The following TMPRSS15 variants were observed in gnomAD, a reference collection of about 807,000 sequenced individuals.
TMPRSS15 encodes enteropeptidase.
A neutral mutation model predicts 125.3 loss-of-function variants in TMPRSS15; 128 were observed. The ratio of observed to expected loss-of-function variants is 1.02; its 90% confidence interval spans 0.89 to 1.18. TMPRSS15 has a LOEUF of 1.18. Among genes scored for constraint, TMPRSS15 ranks in the 50% most tolerant of loss-of-function variants. The pLI, the probability that TMPRSS15 is intolerant of heterozygous loss-of-function variation, is 0.00. For synonymous variants in TMPRSS15, 446 were observed against 423.2 expected, an observed-to-expected ratio of 1.05 and a Z score of -0.66; for missense variants, 1,283 against 1,212.7, an observed-to-expected ratio of 1.06 and a Z score of -0.86.
intron 16 of TMPRSS15, among the ~76,000 whole-genome samples, chr21:18,322,698 A>C (rs1268617638): frequency 1.3e-5 from 2 of 152,206 alleles, no homozygotes; most frequent in Non-Finnish European, 2.9e-5. Flanking sequence ...GATAGTAAAT[A>C]GAATGGTGGT....
intron 14 of TMPRSS15, 95 bp from the exon 15 acceptor site, chr21:18,329,389 A>T: frequency 7.4e-7 from 1 of 1,345,994 alleles, no homozygotes; most frequent in Non-Finnish European, 1.0e-6. Flanking sequence ...CTTAAAAAAA[A>T]ATCAATTTTT....
chr21:18,474,702 G>T (rs1283250894), intron 1 of TMPRSS15, among the ~76,000 whole-genome samples: 2 of 152,318 alleles, frequency 1.3e-5, no homozygotes, highest in African/African-American at 4.8e-5. Context: ...GCCAAAAGCT[G>T]AGAAGATCAG....
chr21:18,277,074 G>A (rs1026375169), intron 23 of TMPRSS15, among the ~76,000 whole-genome samples: 1 of 151,888 alleles, frequency 6.6e-6, no homozygotes, highest in African/African-American at 2.4e-5. Context: ...CCAGAAAACT[G>A]GGATTTTATG....
chr21:18,317,473 C>T (rs1358409192), intron 16 of TMPRSS15, among the ~76,000 whole-genome samples: 1 of 151,820 alleles, frequency 6.6e-6, no homozygotes, highest in Non-Finnish European at 1.5e-5. Context: ...GTGGTGCTAT[C>T]CAGCAAACCA....
chr21:18,468,994 T>A (rs1300373497), intron 1 of TMPRSS15, among the ~76,000 whole-genome samples: 1 of 152,176 alleles, frequency 6.6e-6, no homozygotes, highest in Non-Finnish European at 1.5e-5. Context: ...CTAATAAAAT[T>A]TGCATGTATA....
chr21:18,420,891 T>C (rs1167779101), intron 1 of TMPRSS15, among the ~76,000 whole-genome samples: 2 of 152,158 alleles, frequency 1.3e-5, no homozygotes, highest in Non-Finnish European at 2.9e-5. Context: ...CAAAAGTGTA[T>C]GGCTTTAACA....
At chr21:18,476,928 G>T (rs758666225) in intron 1 of TMPRSS15, among the ~76,000 whole-genome samples, 2 of 151,534 alleles carry the variant, frequency 1.3e-5, no homozygotes, top group Admixed American at 6.6e-5. Context: ...TTCCAATAAG[G>T]CTGTGCTAAC....
intron 13 of TMPRSS15, among the ~76,000 whole-genome samples, chr21:18,335,959 G>A (rs534904681): frequency 1.6e-3 from 238 of 148,756 alleles, no homozygotes; most frequent in Non-Finnish European, 2.8e-3. Flanking sequence ...TTTTTTCTGG[G>A]AGCTGTTCTC....
At position 18,344,073 on chromosome 21, in the gene TMPRSS15, C is replaced by A. The variant is rs752231584; in HGVS notation, c.1172-13G>T. ...GAAATGTAAAATCCTGTAAAAATATCAAAAAAAATTTATTTCACTTAAATA... is the reference window on the plus strand; with the variant it reads ...GAAATGTAAAATCCTGTAAAAATATAAAAAAAAATTTATTTCACTTAAATA... On this transcript the variant is annotated splice_polypyrimidine_tract_variant and intron_variant, in intron 10 of 24. Coordinates refer to ENST00000284885, the MANE Select transcript of TMPRSS15 (RefSeq NM_002772.3). 4.3e-5 allele frequency: 69 copies of A among 1,600,406 alleles called. No individual in the cohort carries two copies. The highest frequency in any genetic ancestry group is 1.8e-4 in the East Asian group (8 of 44,826).
intron 1 of TMPRSS15, among the ~76,000 whole-genome samples, chr21:18,415,557 T>C (rs1337319383): frequency 2.0e-5 from 3 of 152,034 alleles, no homozygotes; most frequent in Non-Finnish European, 4.4e-5. Flanking sequence ...TCTATTTTTG[T>C]TTTTTTGAAG....
chr21:18,391,623 C>A (rs1005919952), intron 3 of TMPRSS15, among the ~76,000 whole-genome samples: 1 of 152,204 alleles, frequency 6.6e-6, no homozygotes, highest in African/African-American at 2.4e-5. Context: ...CATTGAGTGT[C>A]TGCAGTTTTT....
At chr21:18,305,436 T>TGC (rs2075027538) in intron 18 of TMPRSS15, among the ~76,000 whole-genome samples, 1 of 151,768 alleles carries the variant, frequency 6.6e-6, no homozygotes, top group Non-Finnish European at 1.5e-5. Flanking sequence ...GATCCGCCCT[T>TGC]CTCGGCCTCC....
chr21:18,346,128 A>G (rs2075506512), intron 10 of TMPRSS15, among the ~76,000 whole-genome samples: 1 of 152,160 alleles, frequency 6.6e-6, no homozygotes, highest in Non-Finnish European at 1.5e-5. Context: ...TTTTTGTGAT[A>G]TCAGCTACAT....
intron 13 of TMPRSS15, among the ~76,000 whole-genome samples, chr21:18,336,039 TA>T (rs1309267582): frequency 6.6e-6 from 1 of 151,840 alleles, no homozygotes; most frequent in African/African-American, 2.4e-5. Flanking sequence ...ACTATGTAAA[TA>T]ACATGCAGTA....
chr21:18,296,638 AATTTTTAAATGCCTCT>A (rs1221615085), intron 19 of TMPRSS15, among the ~76,000 whole-genome samples: 2 of 152,156 alleles, frequency 1.3e-5, no homozygotes, highest in Admixed American at 1.3e-4. Context: ...TTTTCTTACA[AATTTTTAAATGCCTCT>A]AAGACGTGAA....
At chr21:18,361,629 T>C (rs2075680680) in intron 7 of TMPRSS15, among the ~76,000 whole-genome samples, 1 of 152,152 alleles carries the variant, frequency 6.6e-6, no homozygotes, top group Non-Finnish European at 1.5e-5. Context: ...AGTTAATTTT[T>C]GAAAGTCTAA....
intron 21 of TMPRSS15, among the ~76,000 whole-genome samples, chr21:18,283,170 C>T (rs893446256): frequency 1.8e-4 from 28 of 152,102 alleles, no homozygotes; most frequent in Non-Finnish European, 3.5e-4. Context: ...CCTGGGATTC[C>T]CGTGTCTACT....
At position 18,315,255 on chromosome 21, in the gene TMPRSS15, C is replaced by T. The variant is rs2075150378; in HGVS notation, c.1923G>A (p.Glu641=). 6.2e-6 allele frequency: 10 copies of T among 1,609,220 alleles called. No individual in the cohort carries two copies. Among genetic ancestry groups the T allele is most frequent in the Non-Finnish European group, 8.5e-6 (10 of 1,176,426 alleles). ...FTTGYHLGIP[E]PCKADHFQCK... ...ATTGAAAATGGTCTGCCTTGCATGG[C>T]TCTATGGGGAAAGAATGTTTATTGT... Residue 641 remains glutamate (E), a splice_region_variant and synonymous_variant, in exon 17 of 25, where the codon GAG becomes GAA. Transcript: ENST00000284885.
intron 1 of TMPRSS15, among the ~76,000 whole-genome samples, chr21:18,452,779 C>A (rs1978366801): frequency 6.8e-6 from 1 of 148,082 alleles, no homozygotes; most frequent in Non-Finnish European, 1.5e-5. Context: ...TATTTAACAG[C>A]TTTATTGAGT....
Sources: gnomAD v4.1 joint callset for allele counts (sites outside exome capture counted in the v4.1 genomes callset) on GRCh38, gnomAD v4.1.1 for gene constraint, MANE v1.5 for transcripts, NCBI Gene and HGNC (gene_info 2026-07-23, HGNC 2026-07-21) for gene names.